The following RGS3 variants were observed in gnomAD, a reference collection of about 807,000 sequenced individuals.
RGS3 encodes regulator of G-protein signalling 3.
Under a neutral mutation model 132.6 loss-of-function variants are expected in RGS3, and 80 were observed. The observed-to-expected ratio is 0.60, with a 90% CI of 0.50 to 0.73. The LOEUF (loss-of-function observed/expected upper bound fraction) is 0.73, where lower values mean the gene tolerates loss of function less well. RGS3 is among the 30% of genes least tolerant of loss of function. The pLI is 0.00. For synonymous variants in RGS3, 598 were observed against 620.6 expected (o/e 0.96, Z 0.54); for missense variants, 1,382 against 1,530.8 (o/e 0.90, Z 1.62).
intron 14 of RGS3, among the ~76,000 whole-genome samples, chr9:113,509,618 T>TGCCAGAAAGCTTTGACTCAGAA (rs1831312429): frequency 6.6e-6 from 1 of 152,188 alleles, no homozygotes; most frequent in Non-Finnish European, 1.5e-5. Context: ...TTCGCGTGCC[T>TGCCAGAAAGCTTTGACTCAGAA]GCCAGAAAGC....
At chr9:113,582,089 G>A in intron 19 of RGS3, 1 of 985,406 alleles carries the variant, frequency 1.0e-6, no homozygotes, top group Non-Finnish European at 1.2e-6. Flanking sequence ...CGTGACCCCT[G>A]ACACGTGTGT....
intron 7 of RGS3, among the ~76,000 whole-genome samples, chr9:113,491,255 T>C (rs1192162933): frequency 3.3e-5 from 5 of 149,724 alleles, no homozygotes; most frequent in African/African-American, 1.2e-4. Context: ...AAGGGCATAA[T>C]CTTTTTTTAA....
At chr9:113,513,434 C>G (rs1293890953) in intron 14 of RGS3, among the ~76,000 whole-genome samples, 1 of 152,170 alleles carries the variant, frequency 6.6e-6, no homozygotes, top group South Asian at 2.1e-4. Context: ...TACAGTGAAG[C>G]CTGGGATTCC....
intron 19 of RGS3, chr9:113,541,404 C>G: frequency 6.2e-7 from 1 of 1,613,848 alleles, no homozygotes; most frequent in Non-Finnish European, 8.5e-7. Flanking sequence ...CTTTACCTCA[C>G]CAGGACAGAC....
In RGS3 at chr9:113,463,526, C is replaced by A. The variant is rs1270376246; in HGVS notation, c.415+1325C>A. On this transcript the variant is annotated intron_variant, in intron 3 of 24. Transcript: ENST00000350696. The surrounding 1 kb of genome is among the most constrained non-coding windows in gnomAD (Gnocchi z 4.6). ...GGCCGGGATACCCGGGGTGGCCGCA[C>A]CGTCCTGCTGGCTCCTTGGGTGGCT... 6.6e-6 allele frequency among the ~76,000 whole-genome samples: 1 copy of A among 152,142 alleles called. No homozygotes were observed. The highest frequency in any genetic ancestry group is 1.5e-5 in the Non-Finnish European group (1 of 68,014).
chr9:113,453,898 A>G (rs1829311121), intron 1 of RGS3, among the ~76,000 whole-genome samples: 1 of 151,806 alleles, frequency 6.6e-6, no homozygotes, highest in Non-Finnish European at 1.5e-5. Flanking sequence ...GGCTGTGATC[A>G]TAGCTCACTG....
intron 7 of RGS3, among the ~76,000 whole-genome samples, chr9:113,485,943 C>T (rs1030188099): frequency 6.6e-6 from 1 of 152,134 alleles, no homozygotes; most frequent in African/African-American, 2.4e-5. Context: ...CTGGGGAAGC[C>T]GACCAGCCTA....
intron 15 of RGS3, among the ~76,000 whole-genome samples, chr9:113,516,651 A>G (rs1176776368): frequency 6.6e-6 from 1 of 152,122 alleles, no homozygotes; most frequent in Non-Finnish European, 1.5e-5. Flanking sequence ...GAGCCACCAC[A>G]TGCGGCCTGT....
Position 113,579,042 on chromosome 9 carries a change from G to A in RGS3, c.2038-4408G>A, listed in dbSNP as rs1380309326. Among the ~76,000 whole-genome samples, 1 of 151,988 alleles carries A rather than the reference G, an allele frequency of 6.6e-6. No individual in the cohort carries two copies. The highest frequency in any genetic ancestry group is 1.5e-5 in the Non-Finnish European group (1 of 68,012). Reference sequence around the variant, plus strand: ...CTGTCAGTAAAATCCTGGCTGTTAAGGGCCACCCTGAGACAGAGGCAAACC... The same window carrying A: ...CTGTCAGTAAAATCCTGGCTGTTAAAGGCCACCCTGAGACAGAGGCAAACC... On this transcript the variant is annotated intron_variant, in intron 19 of 24. Coordinates refer to ENST00000350696, the Ensembl canonical transcript of RGS3. The surrounding 1 kb of genome is among the most constrained non-coding windows in gnomAD (Gnocchi z 4.3).
At chr9:113,461,639 C>G (rs1387559600) in intron 1 of RGS3, 34 of 1,478,472 alleles carry the variant, frequency 2.3e-5, no homozygotes, top group Non-Finnish European at 2.9e-5. Context: ...ACCTACAAAG[C>G]AGTAGAATCT....
Position 113,517,734 on chromosome 9 carries a change from C to A in RGS3, c.1758+110C>A, listed in dbSNP as rs186199182. The A allele has an allele frequency of 2.5e-5, 20 of 805,320 alleles. No homozygotes were observed. In the East Asian group the frequency reaches 4.7e-4, roughly 19 times the overall value. 49.9% of individuals were successfully genotyped at this position (805,320 alleles called of 1,614,324 possible). ...TGAGTATCTTAGAATTGTACATTCTCAGGGTAGGGGAGACCTGAGAAGGAC... is the reference window on the plus strand; with the variant it reads ...TGAGTATCTTAGAATTGTACATTCTAAGGGTAGGGGAGACCTGAGAAGGAC... On this transcript the variant is annotated intron_variant, in intron 16 of 24. Coordinates refer to ENST00000350696, the Ensembl canonical transcript of RGS3.
At chr9:113,549,964 A>C (rs1173081778) in intron 19 of RGS3, among the ~76,000 whole-genome samples, 2 of 152,298 alleles carry the variant, frequency 1.3e-5, no homozygotes, top group East Asian at 1.9e-4. Context: ...TGATTGCACC[A>C]CTGCACTCCA....
At chr9:113,522,760 G>A (rs773804895) in intron 16 of RGS3, 170 bp from the exon 15 acceptor site, 74 of 640,920 alleles carry the variant, frequency 1.2e-4, no homozygotes, top group Non-Finnish European at 1.8e-4. Flanking sequence ...CTGCAGGTCA[G>A]GACTGCCCTT....
chr9:113,458,352 C>T (rs911205409), upstream of RGS3, among the ~76,000 whole-genome samples: 23 of 152,196 alleles, frequency 1.5e-4, no homozygotes, highest in African/African-American at 5.3e-4. Context: ...AACAGGCAGC[C>T]AGCCAGATTT....
chr9:113,562,932 C>T (rs1833852309), intron 19 of RGS3, among the ~76,000 whole-genome samples: 1 of 152,224 alleles, frequency 6.6e-6, no homozygotes, highest in South Asian at 2.1e-4. Context: ...AGCCTGGCTG[C>T]CAGTGACTCC....
chr9:113,532,420 G>A (rs1303748828), intron 18 of RGS3, among the ~76,000 whole-genome samples: 1 of 152,074 alleles, frequency 6.6e-6, no homozygotes, highest in Non-Finnish European at 1.5e-5. Context: ...GAAAATGTTT[G>A]CCCATCTAAG....
Position 113,595,347 on chromosome 9 carries a change from G to A in RGS3, c.3245-252G>A, listed in dbSNP as rs1429579721. 22 of 560,542 alleles carry A rather than the reference G, an allele frequency of 3.9e-5. No homozygotes were observed. The Admixed American group carries it at 6.3e-4, about 16-fold the overall frequency. The allele number at this position is 560,542 out of a possible 1,614,324, so 34.7% of individuals were successfully genotyped here. ...CCATCGGCTCCTCCCAGGGCTCCGGGAGACAGAATCGATAGTCCCCATTTC... is the reference window on the plus strand; with the variant it reads ...CCATCGGCTCCTCCCAGGGCTCCGGAAGACAGAATCGATAGTCCCCATTTC... On this transcript the variant is annotated intron_variant, in intron 23 of 24. Coordinates refer to ENST00000350696, the Ensembl canonical transcript of RGS3.
chr9:113,540,805 C>T (rs115469522), intron 19 of RGS3, among the ~76,000 whole-genome samples: 1 of 152,328 alleles, frequency 6.6e-6, no homozygotes, highest in African/African-American at 2.4e-5. Context: ...AGCAATGTGA[C>T]CTCAGGTGAG....
chr9:113,596,782 C>T (rs377630571), exon 25 of RGS3: 350 of 1,611,102 alleles, frequency 2.2e-4, no homozygotes, highest in Non-Finnish European at 2.9e-4. Flanking sequence ...ACCTGGACTC[C>T]TACACGCGGG....
Sources: allele counts gnomAD v4.1 joint callset (sites outside exome capture counted in the v4.1 genomes callset), GRCh38; gene constraint gnomAD v4.1.1; non-coding constraint Gnocchi (gnomAD v3.1); transcripts MANE v1.5; gene names NCBI Gene and HGNC (gene_info 2026-07-23, HGNC 2026-07-21).